The following SMARCAD1 variants were observed in gnomAD, a reference collection of about 807,000 sequenced individuals.
SMARCAD1 encodes SNF2 related chromatin remodeling ATPase with DExD box 1, also known as SWI/SNF-related matrix-associated actin-dependent regulator of chromatin subfamily A containing DEAD/H box 1.
Under a neutral mutation model 127.1 loss-of-function variants are expected in SMARCAD1, and 25 were observed. The observed-to-expected ratio is 0.20, with a 90% CI of 0.14 to 0.27. The LOEUF (loss-of-function observed/expected upper bound fraction) is 0.27. Among genes scored for constraint, SMARCAD1 ranks in the 10% least tolerant of loss-of-function variants. SMARCAD1 has a pLI of 1.00. For missense variants in SMARCAD1, 807 were observed against 1,206.0 expected (o/e 0.67, Z 4.90); for synonymous variants, 400 against 396.9 (o/e 1.01, Z -0.09).
intron 14 of SMARCAD1, 25 bp downstream of exon 14, chr4:94,274,990 G>A (rs781270518): frequency 4.9e-5 from 75 of 1,518,194 alleles, no homozygotes; most frequent in Admixed American, 3.3e-5. Flanking sequence ...ATTTGGGGAG[G>A]ATGGATATTT....
intron 2 of SMARCAD1, among the ~76,000 whole-genome samples, chr4:94,220,117 G>A (rs1407448878): frequency 6.6e-6 from 1 of 152,132 alleles, no homozygotes; most frequent in Non-Finnish European, 1.5e-5. Context: ...TTGGCTGTTA[G>A]CTATTTTGCT....
At chr4:94,210,628 A>T (rs993543138) in intron 2 of SMARCAD1, among the ~76,000 whole-genome samples, 1 of 152,104 alleles carries the variant, frequency 6.6e-6, no homozygotes, top group East Asian at 1.9e-4. Flanking sequence ...TAGATCCCTG[A>T]TGGGAATGAG....
rs1751474492 is a variant in SMARCAD1 at position 94,264,645 on chromosome 4, C to G, written c.1282-62C>G. 3.5e-6 allele frequency: 5 copies of G among 1,434,912 alleles called. No individual in the cohort carries two copies. In the East Asian group the frequency reaches 1.1e-4, roughly 33 times the overall value. 88.9% of individuals were successfully genotyped at this position (1,434,912 alleles called of 1,614,324 possible). ...AAACTTGTTTTCCTCATAAAGAAAT[C>G]AGGATTGCCTTTCTCTTTCCTAGAT... On this transcript the variant is annotated intron_variant, in intron 9 of 23. Coordinates refer to ENST00000354268, the MANE Select transcript of SMARCAD1 (RefSeq NM_020159.5).
At chr4:94,222,716 AT>A (rs1317954113) in intron 2 of SMARCAD1, among the ~76,000 whole-genome samples, 1 of 152,130 alleles carries the variant, frequency 6.6e-6, no homozygotes, top group African/African-American at 2.4e-5. Context: ...TAATCCCAAC[AT>A]TTCAGGAGGC....
intron 7 of SMARCAD1, 82 bp downstream of exon 7, chr4:94,249,837 A>G: frequency 1.2e-6 from 1 of 820,718 alleles, no homozygotes; most frequent in Non-Finnish European, 2.1e-6. Flanking sequence ...CAACCACATA[A>G]AAGCTTAGGG....
chr4:94,228,260 A>G (rs948762429), intron 3 of SMARCAD1, among the ~76,000 whole-genome samples: 4 of 152,194 alleles, frequency 2.6e-5, no homozygotes, highest in Non-Finnish European at 5.9e-5. Flanking sequence ...GTTGCAAAAA[A>G]AAATGCATTA....
At chr4:94,237,418 C>G (rs180943595) in intron 5 of SMARCAD1, among the ~76,000 whole-genome samples, 1 of 150,956 alleles carries the variant, frequency 6.6e-6, no homozygotes, top group African/African-American at 2.4e-5. Flanking sequence ...AAAATAAATG[C>G]ATTTGAATGA....
chr4:94,253,459 T>G (rs1749589183), intron 9 of SMARCAD1: 1 of 1,181,770 alleles, frequency 8.5e-7, no homozygotes, highest in Admixed American at 3.9e-5. Context: ...AATGCCAGCC[T>G]AAGTGTTTTA....
chr4:94,280,080 G>C (rs1345200483), intron 19 of SMARCAD1, among the ~76,000 whole-genome samples: 3 of 152,072 alleles, frequency 2.0e-5, no homozygotes, highest in Non-Finnish European at 4.4e-5. Flanking sequence ...GGCCAGGCTG[G>C]TCTCGAACTC....
intron 21 of SMARCAD1, among the ~76,000 whole-genome samples, 188 bp downstream of exon 21, chr4:94,281,778 T>G (rs1413595743): frequency 6.6e-6 from 1 of 152,150 alleles, no homozygotes; most frequent in African/African-American, 2.4e-5. Flanking sequence ...CCCAACACTT[T>G]GGGAGGCTGA....
chr4:94,282,675 C>T (rs982596604), intron 21 of SMARCAD1, among the ~76,000 whole-genome samples: 7 of 150,672 alleles, frequency 4.6e-5, no homozygotes, highest in Non-Finnish European at 8.8e-5. Flanking sequence ...TTTTCCCACC[C>T]GCATTAGACT....
chr4:94,273,593 T>C, intron 11 of SMARCAD1, 24 bp from the exon 12 acceptor site: 1 of 1,515,916 alleles, frequency 6.6e-7, no homozygotes, highest in Non-Finnish European at 9.1e-7. Context: ...TAAAATGTTA[T>C]ATATTGTCTT....
intron 16 of SMARCAD1, 96 bp downstream of exon 16, chr4:94,277,255 A>G (rs1425300591): frequency 3.7e-5 from 52 of 1,394,236 alleles, no homozygotes; most frequent in Non-Finnish European, 5.0e-5. Flanking sequence ...CATAGTGCAT[A>G]TGCTCTATGA....
chr4:94,283,596 C>T (rs1380294814), intron 22 of SMARCAD1, among the ~76,000 whole-genome samples: 4 of 152,128 alleles, frequency 2.6e-5, no homozygotes, highest in Admixed American at 6.5e-5. Flanking sequence ...GAGACTGAGG[C>T]GGGCGGATCA....
intron 11 of SMARCAD1, among the ~76,000 whole-genome samples, chr4:94,271,478 C>T (rs557717664): frequency 6.6e-6 from 1 of 152,212 alleles, no homozygotes; most frequent in Non-Finnish European, 1.5e-5. Context: ...TAAAATGAGT[C>T]ATGTTCAGCA....
intron 22 of SMARCAD1, 122 bp downstream of exon 22, chr4:94,283,425 G>T (rs1371214575): frequency 2.3e-6 from 2 of 854,470 alleles, no homozygotes; most frequent in Admixed American, 4.0e-5. Flanking sequence ...CATGGCTACT[G>T]ATGTATTTTA....
intron 10 of SMARCAD1, among the ~76,000 whole-genome samples, chr4:94,269,018 TA>T (rs555385892): frequency 1.5e-3 from 235 of 152,282 alleles, no homozygotes; most frequent in African/African-American, 5.3e-3. Context: ...AAAAGAATTG[TA>T]AAGACAGAAT....
intron 11 of SMARCAD1, among the ~76,000 whole-genome samples, chr4:94,273,005 C>G (rs1020702388): frequency 2.6e-5 from 4 of 151,954 alleles, no homozygotes; most frequent in Admixed American, 2.6e-4. Flanking sequence ...GGAGTTTTGC[C>G]ATGTTGCCCG....
intron 3 of SMARCAD1, among the ~76,000 whole-genome samples, chr4:94,232,723 C>T (rs1746032164): frequency 6.6e-6 from 1 of 152,062 alleles, no homozygotes; most frequent in African/African-American, 2.4e-5. Flanking sequence ...AAGGCCAAGG[C>T]GGGCGGATCG....
Sources: gnomAD v4.1 joint callset for allele counts (sites outside exome capture counted in the v4.1 genomes callset) on GRCh38, gnomAD v4.1.1 for gene constraint, MANE v1.5 for transcripts, NCBI Gene and HGNC (gene_info 2026-07-23, HGNC 2026-07-21) for gene names.